Variants in GMEB1 observed in about 807,000 individuals in gnomAD.
GMEB1 encodes glucocorticoid modulatory element binding protein 1, also known as glucocorticoid modulatory element-binding protein 1.
In GMEB1, 6 loss-of-function variants were observed where a neutral mutation model predicts 52.4. That is an observed-to-expected ratio of 0.11 (90% CI 0.06 to 0.23). The LOEUF is 0.23. GMEB1 is among the 10% of genes least tolerant of loss of function. GMEB1 has a pLI of 1.00. For missense variants in GMEB1, 486 were observed against 685.6 expected, an observed-to-expected ratio of 0.71 and a Z score of 3.25; for synonymous variants, 255 against 244.9, an observed-to-expected ratio of 1.04 and a Z score of -0.38.
intron 1 of GMEB1, among the ~76,000 whole-genome samples, chr1:28,675,119 G>A (rs1482700940): frequency 1.4e-5 from 2 of 148,070 alleles, no homozygotes; most frequent in African/African-American, 5.0e-5. Context: ...CTGGGTTCAC[G>A]CCATTCTCCT....
At chr1:28,711,028 G>A (rs1390836724) in intron 9 of GMEB1, among the ~76,000 whole-genome samples, 1 of 152,092 alleles carries the variant, frequency 6.6e-6, no homozygotes, top group South Asian at 2.1e-4. Flanking sequence ...CAGAAATTTT[G>A]TGTAATCCCA....
rs1557511786 is a variant in GMEB1 at position 28,695,974 on chromosome 1, A to AAT, written c.441-953_441-952insAT. 1.9e-4 allele frequency among the ~76,000 whole-genome samples: 22 copies of AAT among 117,700 alleles called. 1 individual carries two copies. Among genetic ancestry groups the AAT allele is most frequent in the Middle Eastern group, 4.4e-3 (1 of 226 alleles). 77.2% of individuals were successfully genotyped at this position (117,700 alleles called of 152,430 possible). A position where few individuals can be genotyped will look rare whatever the true frequency, so the allele number is the denominator to read the frequency against. On this transcript the variant is annotated intron_variant, in intron 5 of 9. Transcript: ENST00000373816. ...AAAAAAAAAAAAAAAAAAAAAAAAA[A>AAT]TTTTCAGATGATTTGTATGCAGAAA...
intron 6 of GMEB1, among the ~76,000 whole-genome samples, chr1:28,700,651 C>T (rs1046947890): frequency 6.7e-6 from 1 of 149,490 alleles, no homozygotes; most frequent in African/African-American, 2.5e-5. Flanking sequence ...TGCCACTGTA[C>T]TTCAGCCTGG....
chr1:28,683,368 G>A (rs757150198), intron 1 of GMEB1, among the ~76,000 whole-genome samples: 5 of 152,142 alleles, frequency 3.3e-5, no homozygotes, highest in Non-Finnish European at 7.4e-5. Context: ...GGGGATTACA[G>A]ATACGCTCCA....
In GMEB1 at chr1:28,704,301, G is replaced by A. The variant is rs756344500; in HGVS notation, c.840G>A (p.Arg280=). 1 of 1,612,842 alleles carries A rather than the reference G, an allele frequency of 6.2e-7. No homozygotes were observed. Among genetic ancestry groups the A allele is most frequent in the East Asian group, 2.2e-5 (1 of 44,798 alleles). ...IEELLRGVQQ[R]LIQAPFQVTD... is the part of the protein sequence containing the mutation. ...AGCTACTCAGGGGAGTTCAGCAGCG[G>A]CTCATCCAGGCTCCCTTCCAAGTCA... The change falls in exon 8 of 10, where the codon CGG becomes CGA. Residue 280 remains arginine (R), a synonymous_variant. Coordinates refer to ENST00000373816, the MANE Select transcript of GMEB1 (RefSeq NM_001319674.2).
intron 9 of GMEB1, 151 bp from the exon 10 acceptor site, chr1:28,713,922 C>G: frequency 1.5e-6 from 1 of 649,662 alleles, no homozygotes; most frequent in South Asian, 1.9e-5. Flanking sequence ...CTCTGCCCCC[C>G]AAATAAGCAC....
At chr1:28,687,313 G>A (rs926723293) in intron 2 of GMEB1, among the ~76,000 whole-genome samples, 6 of 131,806 alleles carry the variant, frequency 4.6e-5, no homozygotes, top group South Asian at 2.5e-4. Flanking sequence ...TCTAGCCTGG[G>A]CAACAGAATG....
chr1:28,704,188 C>G lies in GMEB1; in HGVS notation c.731-4C>G, dbSNP rs1431300600. On this transcript the variant is annotated splice_region_variant and splice_polypyrimidine_tract_variant and intron_variant, in intron 7 of 9. Transcript: ENST00000373816. Reference sequence around the variant, plus strand: ...TACCCTCTGTCTTATCCTTCTTGTGCCAGAGGACACTTTGATGTTCTGGAA... The same window carrying G: ...TACCCTCTGTCTTATCCTTCTTGTGGCAGAGGACACTTTGATGTTCTGGAA... The G allele has an allele frequency of 6.2e-7, 1 of 1,607,680 alleles. No homozygotes were observed. The highest frequency in any genetic ancestry group is 2.2e-5 in the East Asian group (1 of 44,454).
At chr1:28,687,750 G>A (rs1669753304) in intron 2 of GMEB1, among the ~76,000 whole-genome samples, 1 of 151,956 alleles carries the variant, frequency 6.6e-6, no homozygotes, top group South Asian at 2.1e-4. Context: ...AGGGAGGGAG[G>A]ATGGATAGTG....
chr1:28,709,565 C>A (rs1272101843), intron 8 of GMEB1, among the ~76,000 whole-genome samples: 1 of 151,212 alleles, frequency 6.6e-6, no homozygotes, highest in African/African-American at 2.4e-5. Flanking sequence ...TAAACAGATG[C>A]AAGATATTAA....
At chr1:28,671,168 AG>A (rs769286915) in intron 1 of GMEB1, among the ~76,000 whole-genome samples, 16 of 152,246 alleles carry the variant, frequency 1.1e-4, no homozygotes. Context: ...GAAGAAATAA[AG>A]GGGATATCAA....
intron 9 of GMEB1, among the ~76,000 whole-genome samples, chr1:28,711,522 C>T (rs1203341949): frequency 3.3e-5 from 5 of 152,078 alleles, no homozygotes; most frequent in South Asian, 2.1e-4. Flanking sequence ...GGCACAATCA[C>T]GGCTCACTGC....
chr1:28,705,751 G>A (rs541884956), intron 8 of GMEB1, among the ~76,000 whole-genome samples: 16 of 151,170 alleles, frequency 1.1e-4, no homozygotes, highest in South Asian at 6.3e-4. Flanking sequence ...GCGCCCAGCC[G>A]ATACATCTAT....
chr1:28,704,799 G>C (rs1269700083), intron 8 of GMEB1, among the ~76,000 whole-genome samples: 2 of 151,936 alleles, frequency 1.3e-5, no homozygotes, highest in South Asian at 2.1e-4. Flanking sequence ...GTAGAGACAG[G>C]GTTTTGCCAT....
intron 3 of GMEB1, 139 bp downstream of exon 3, chr1:28,690,325 GC>G: frequency 2.0e-6 from 1 of 502,806 alleles, no homozygotes; most frequent in Non-Finnish European, 3.5e-6. Context: ...CAGTACTACA[GC>G]CCTCGATTTT....
In GMEB1 at chr1:28,679,871, G is replaced by A. The variant is rs1374234464; in HGVS notation, c.-30-3712G>A. Among the ~76,000 whole-genome samples, 7 of 150,254 alleles carry A rather than the reference G, an allele frequency of 4.7e-5. No individual in the cohort carries two copies. The East Asian group carries it at 7.9e-4, about 17-fold the overall frequency. ...GGCTGGAGTCCAATGGCACGATCTC[G>A]GTTCACCCACCACAACCTCTGCCTC... On this transcript the variant is annotated intron_variant, in intron 1 of 9. Coordinates refer to ENST00000373816, the MANE Select transcript of GMEB1 (RefSeq NM_001319674.2).
chr1:28,710,740 T>A (rs1440179149), intron 9 of GMEB1, 98 bp downstream of exon 9: 14 of 775,152 alleles, frequency 1.8e-5, no homozygotes, highest in Non-Finnish European at 2.2e-5. Flanking sequence ...TTTTTTTTTT[T>A]AAATAGTATC....
At chr1:28,699,985 A>C (rs777024039) in intron 6 of GMEB1, among the ~76,000 whole-genome samples, 1 of 149,474 alleles carries the variant, frequency 6.7e-6, no homozygotes, top group Non-Finnish European at 1.5e-5. Flanking sequence ...TGAGGTGGGA[A>C]GATCACGTAT....
intron 9 of GMEB1, among the ~76,000 whole-genome samples, chr1:28,712,448 T>C (rs1671098716): frequency 6.6e-6 from 1 of 152,192 alleles, no homozygotes; most frequent in African/African-American, 2.4e-5. Flanking sequence ...TCTTTAATCA[T>C]GCCTGGATCT....
Sources: allele counts gnomAD v4.1 joint callset (sites outside exome capture counted in the v4.1 genomes callset), GRCh38; gene constraint gnomAD v4.1.1; transcripts MANE v1.5; gene names NCBI Gene and HGNC (gene_info 2026-07-23, HGNC 2026-07-21).